AFF3: variants seen among roughly 807,000 people sequenced by gnomAD.
AFF3 encodes AF4/FMR2 family member 3.
Under a neutral mutation model 129.7 loss-of-function variants are expected in AFF3, and 32 were observed. The observed-to-expected ratio is 0.25, with a 90% CI of 0.19 to 0.33. The LOEUF is 0.33. Among genes scored for constraint, AFF3 ranks in the 10% least tolerant of loss-of-function variants. The pLI, the probability that AFF3 is intolerant of heterozygous loss-of-function variation, is 1.00. For missense variants in AFF3, 1,373 were observed against 1,592.0 expected, an observed-to-expected ratio of 0.86 and a Z score of 2.34; for synonymous variants, 644 against 635.4, an observed-to-expected ratio of 1.01 and a Z score of -0.20.
intron 4 of AFF3, among the ~76,000 whole-genome samples, chr2:100,059,208 G>A (rs1260870113): frequency 7.7e-6 from 1 of 130,090 alleles, no homozygotes; most frequent in Non-Finnish European, 1.5e-5. Context: ...AACCAAGATC[G>A]TGCCACTGCA....
At chr2:99,977,963 T>C (rs1167718589) in intron 7 of AFF3, among the ~76,000 whole-genome samples, 1 of 152,228 alleles carries the variant, frequency 6.6e-6, no homozygotes, top group Non-Finnish European at 1.5e-5. Context: ...TGTCCTGCTC[T>C]AAGGAGGAGA....
intron 8 of AFF3, among the ~76,000 whole-genome samples, chr2:99,820,306 C>A (rs1300338102): frequency 6.6e-6 from 1 of 152,174 alleles, no homozygotes; most frequent in Non-Finnish European, 1.5e-5. Flanking sequence ...AACTGTAACA[C>A]CCCTGCAACA....
At chr2:99,974,276 T>C (rs2104450008) in intron 7 of AFF3, among the ~76,000 whole-genome samples, 1 of 152,324 alleles carries the variant, frequency 6.6e-6, no homozygotes, top group Middle Eastern at 3.4e-3. Flanking sequence ...CATTTTCCTG[T>C]AACCTAGACT....
chr2:100,021,476 C>G (rs1683597195), intron 4 of AFF3, among the ~76,000 whole-genome samples: 2 of 152,162 alleles, frequency 1.3e-5, no homozygotes, highest in Non-Finnish European at 2.9e-5. Flanking sequence ...ACCATTTGAA[C>G]ACACAGAACT....
At chr2:99,732,268 T>C (rs577812452) in intron 10 of AFF3, among the ~76,000 whole-genome samples, 1 of 149,376 alleles carries the variant, frequency 6.7e-6, no homozygotes, top group East Asian at 2.0e-4. Context: ...GGCAGGAGAA[T>C]GGCATGAACC....
chr2:100,075,962 GA>G (rs1688559357), intron 4 of AFF3, among the ~76,000 whole-genome samples: 1 of 152,158 alleles, frequency 6.6e-6, no homozygotes, highest in Non-Finnish European at 1.5e-5. Context: ...TCTCCTTTAA[GA>G]CCCTGGCCAG....
At chr2:99,943,488 T>C (rs1675260775) in intron 7 of AFF3, among the ~76,000 whole-genome samples, 1 of 152,200 alleles carries the variant, frequency 6.6e-6, no homozygotes, top group Non-Finnish European at 1.5e-5. Context: ...TTTCAATGAA[T>C]GGTGGTGTTA....
At chr2:99,895,722 A>G (rs150923818) in intron 7 of AFF3, among the ~76,000 whole-genome samples, 2 of 152,260 alleles carry the variant, frequency 1.3e-5, no homozygotes, top group Admixed American at 6.5e-5. Flanking sequence ...ACTGAACTGA[A>G]GAAGGGAATA....
chr2:100,122,457 AC>A (rs1440453109), intron 2 of AFF3, among the ~76,000 whole-genome samples: 3 of 152,236 alleles, frequency 2.0e-5, no homozygotes, highest in South Asian at 2.1e-4. Flanking sequence ...AGATGCAGAA[AC>A]AAAAGCATTA....
intron 7 of AFF3, among the ~76,000 whole-genome samples, chr2:99,960,694 C>T (rs1417886943): frequency 6.6e-6 from 1 of 152,180 alleles, no homozygotes; most frequent in Admixed American, 6.5e-5. Flanking sequence ...TTTGTGCTTG[C>T]TTACATACTA....
chr2:99,828,190 A>G (rs1327851692), intron 8 of AFF3, among the ~76,000 whole-genome samples: 2 of 152,184 alleles, frequency 1.3e-5, no homozygotes, highest in African/African-American at 2.4e-5. Context: ...AGTGTCTTAA[A>G]GGTTCCTGAG....
chr2:99,931,931 T>G (rs1028107232), intron 7 of AFF3, among the ~76,000 whole-genome samples: 5 of 152,164 alleles, frequency 3.3e-5, no homozygotes, highest in African/African-American at 1.2e-4. Flanking sequence ...AAACCCAACA[T>G]ACTACAAGTG....
rs80262137 is a variant in AFF3, at chr2:99,876,172, C to G, written c.874-38648G>C. Among the ~76,000 whole-genome samples, 86 of 152,262 alleles carry G rather than the reference C, an allele frequency of 5.6e-4. 1 individual carries two copies. In the East Asian group the frequency reaches 0.014, roughly 25 times the overall value. On this transcript the variant is annotated intron_variant, in intron 7 of 24. Coordinates refer to ENST00000672756, the MANE Select transcript of AFF3 (RefSeq NM_001386135.1). ...CATTCCCTAGGACATGCTATGAATC[C>G]CGGTGGCTTTGAAGACCATTTGTAT...
At chr2:99,638,340 A>C (rs4850906) in intron 13 of AFF3, among the ~76,000 whole-genome samples, 1 of 151,784 alleles carries the variant, frequency 6.6e-6, no homozygotes, top group Non-Finnish European at 1.5e-5. Context: ...GATTACAGGC[A>C]TGAGCCACTG....
At chr2:99,555,895 A>G (rs2104512865) in intron 22 of AFF3, among the ~76,000 whole-genome samples, 1 of 152,334 alleles carries the variant, frequency 6.6e-6, no homozygotes, top group South Asian at 2.1e-4. Context: ...TGCCACTTTT[A>G]CCTGTGTCAG....
intron 8 of AFF3, among the ~76,000 whole-genome samples, chr2:99,771,587 T>G (rs1042490012): frequency 2.6e-5 from 4 of 152,160 alleles, no homozygotes; most frequent in African/African-American, 9.7e-5. Context: ...AAGGTCACCT[T>G]GTTTATATAA....
chr2:99,552,649 G>C (rs1207678513), intron 24 of AFF3, among the ~76,000 whole-genome samples: 1 of 152,158 alleles, frequency 6.6e-6, no homozygotes, highest in Admixed American at 6.5e-5. Flanking sequence ...GGCAGGGATG[G>C]GGAGGTGGCT....
intron 4 of AFF3, among the ~76,000 whole-genome samples, chr2:100,041,768 A>C (rs1043646623): frequency 1.7e-4 from 26 of 152,224 alleles, no homozygotes; most frequent in African/African-American, 6.0e-4. Context: ...GATATAATTC[A>C]TTGACTCATT....
At chr2:99,920,369 G>C (rs961332922) in intron 7 of AFF3, among the ~76,000 whole-genome samples, 3 of 151,936 alleles carry the variant, frequency 2.0e-5, no homozygotes, top group African/African-American at 7.2e-5. Context: ...GTTTATTTCA[G>C]GAATTAAAGG....
Sources: allele counts gnomAD v4.1 joint callset (sites outside exome capture counted in the v4.1 genomes callset), GRCh38; gene constraint gnomAD v4.1.1; transcripts MANE v1.5; gene names NCBI Gene and HGNC (gene_info 2026-07-23, HGNC 2026-07-21).